Variants in CHN2 observed in about 807,000 individuals in gnomAD.
The protein encoded by CHN2 is beta-chimaerin.
A neutral mutation model predicts 56.3 loss-of-function variants in CHN2; 35 were observed. The ratio of observed to expected loss-of-function variants is 0.62; its 90% CI spans 0.47 to 0.82. The LOEUF is 0.82. Ranked by LOEUF, CHN2 falls within the 40% of genes least tolerant of loss-of-function variation. CHN2 has a pLI of 0.00. For synonymous variants in CHN2, 210 were observed against 212.8 expected, an observed-to-expected ratio of 0.99 and a Z score of 0.12; for missense variants, 491 against 580.5, an observed-to-expected ratio of 0.85 and a Z score of 1.58.
intron 2 of CHN2, among the ~76,000 whole-genome samples, chr7:29,158,195 C>T (rs927699083): frequency 5.9e-5 from 9 of 152,098 alleles, no homozygotes; most frequent in East Asian, 1.9e-4. Flanking sequence ...GCATGAGTTC[C>T]GGAATGAATG....
intron 2 of CHN2, among the ~76,000 whole-genome samples, chr7:29,154,778 T>G (rs1164740184): frequency 1.3e-5 from 2 of 152,202 alleles, no homozygotes; most frequent in Non-Finnish European, 2.9e-5. Context: ...GAGGTTGCAG[T>G]GAACCAAGAT....
chr7:29,332,480 GA>G (rs1468296758), intron 1 of CHN2, among the ~76,000 whole-genome samples: 1 of 152,106 alleles, frequency 6.6e-6, no homozygotes, highest in Non-Finnish European at 1.5e-5. Context: ...TATGAATTTT[GA>G]ATTTTGATCT....
At chr7:29,494,042 C>T (rs1299519841) in intron 7 of CHN2, among the ~76,000 whole-genome samples, 1 of 152,180 alleles carries the variant, frequency 6.6e-6, no homozygotes, top group Non-Finnish European at 1.5e-5. Context: ...CCACCCTGGC[C>T]ATCTAGTTCC....
intron 1 of CHN2, among the ~76,000 whole-genome samples, chr7:29,229,787 G>C (rs1226685375): frequency 6.6e-6 from 1 of 152,104 alleles, no homozygotes; most frequent in African/African-American, 2.4e-5. Context: ...AGACCAGCCT[G>C]GGCAACATGG....
At chr7:29,421,116 A>T (rs895885159) in intron 6 of CHN2, among the ~76,000 whole-genome samples, 5 of 152,136 alleles carry the variant, frequency 3.3e-5, no homozygotes, top group Non-Finnish European at 7.4e-5. Flanking sequence ...AACCACAACT[A>T]AATTTAGAAA....
chr7:29,429,155 C>T (rs1326794304), intron 6 of CHN2, among the ~76,000 whole-genome samples: 1 of 152,164 alleles, frequency 6.6e-6, no homozygotes, highest in Admixed American at 6.5e-5. Flanking sequence ...TCACAAGTAT[C>T]TTGTTTAGTG....
intron 1 of CHN2, among the ~76,000 whole-genome samples, chr7:29,262,339 C>A (rs1018196603): frequency 6.6e-6 from 1 of 152,212 alleles, no homozygotes; most frequent in South Asian, 2.1e-4. Flanking sequence ...GTTCTTAACA[C>A]ATGTCAAAGA....
intron 2 of CHN2, among the ~76,000 whole-genome samples, chr7:29,365,044 AGTATT>A (rs1246141856): frequency 6.6e-6 from 1 of 152,206 alleles, no homozygotes; most frequent in African/African-American, 2.4e-5. Context: ...GAATGTCAAG[AGTATT>A]GTTCCAGGTC....
At chr7:29,260,626 T>A (rs1310488696) in intron 1 of CHN2, among the ~76,000 whole-genome samples, 2 of 152,162 alleles carry the variant, frequency 1.3e-5, no homozygotes, top group South Asian at 4.1e-4. Context: ...GGATCCCTTA[T>A]AAGAAGCTTC....
At chr7:29,381,799 C>T (rs1800527392) in intron 3 of CHN2, among the ~76,000 whole-genome samples, 1 of 35,768 alleles carries the variant, frequency 2.8e-5, no homozygotes, top group South Asian at 1.1e-3. Flanking sequence ...TCTATTCTCA[C>T]TAAACTAAGC....
chr7:29,214,538 C>G (rs1399428858), intron 1 of CHN2, among the ~76,000 whole-genome samples: 4 of 152,126 alleles, frequency 2.6e-5, no homozygotes, highest in African/African-American at 9.7e-5. Flanking sequence ...ATTTATTATC[C>G]TCAGTCAATA....
rs60652952 is a variant in CHN2, at chr7:29,381,809, CAAAAAAAAAAAAA to C, written c.145-11855_145-11843del. Among the ~76,000 whole-genome samples the C allele has an allele frequency of 8.6e-4, 34 of 39,514 alleles. No individual in the cohort carries two copies. In the South Asian group the frequency reaches 0.021, roughly 25 times the overall value. The allele number at this position is 39,514 out of a possible 152,430, so 25.9% of individuals were successfully genotyped here. A position where few individuals can be genotyped will look rare whatever the true frequency, so the allele number is the denominator to read the frequency against. ...AAAAGTCTATTCTCACTAAACTAAG[CAAAAAAAAAAAAA>C]AAAAAAAAAAAAAAGCAGGGCCTAG... is the stretch of plus-strand genomic sequence containing the variant. On this transcript the variant is annotated intron_variant, in intron 3 of 12. Transcript: ENST00000222792.
chr7:29,217,420 C>A (rs1201241040), intron 1 of CHN2, among the ~76,000 whole-genome samples: 1 of 152,208 alleles, frequency 6.6e-6, no homozygotes. Flanking sequence ...GGAAAAGAGA[C>A]TGTAAAATCA....
At chr7:29,427,401 C>T (rs565720062) in intron 6 of CHN2, among the ~76,000 whole-genome samples, 1 of 152,184 alleles carries the variant, frequency 6.6e-6, no homozygotes, top group Admixed American at 6.5e-5. Context: ...TGCAGAATCC[C>T]TTTTACCGTA....
intron 1 of CHN2, among the ~76,000 whole-genome samples, chr7:29,294,987 C>T (rs940788515): frequency 7.2e-5 from 11 of 152,162 alleles, no homozygotes; most frequent in Non-Finnish European, 1.3e-4. Flanking sequence ...GATTGGTTCC[C>T]TGGACCCCCC....
chr7:29,232,283 TCTTTCAGTCTTC>T (rs1377842372), intron 1 of CHN2, among the ~76,000 whole-genome samples: 1 of 133,708 alleles, frequency 7.5e-6, no homozygotes, highest in Non-Finnish European at 1.7e-5. Flanking sequence ...TCTTACTCTT[TCTTTCAGTCTTC>T]CTTTCAAAGC....
In CHN2 at chr7:29,194,874, G is replaced by A. The variant is rs539456260; in HGVS notation, c.-68G>A. On this transcript the variant is annotated 5_prime_UTR_variant, in exon 1 of 13. Transcript: ENST00000222792. ...GGGGCCGCGGAGGCTGCGAGCGGCC[G>A]GGCGAGGGCAGCGGCGGCGGCGTCC... 4 of 1,341,108 alleles carry A rather than the reference G, an allele frequency of 3.0e-6. No individual in the cohort carries two copies. The highest frequency in any genetic ancestry group is 1.5e-5 in the African/African-American group (1 of 64,558). 83.1% of individuals were successfully genotyped at this position (1,341,108 alleles called of 1,614,324 possible).
intron 1 of CHN2, among the ~76,000 whole-genome samples, chr7:29,228,204 GGAGA>G (rs61159288): frequency 6.0e-4 from 90 of 150,218 alleles, no homozygotes; most frequent in Middle Eastern, 3.5e-3. Context: ...GTGTGTTTGT[GGAGA>G]GAGAGAGAGA....
Position 29,398,409 on chromosome 7 carries a change from G to A in CHN2, c.213G>A (p.Glu71=), listed in dbSNP as rs372832747. 2.0e-5 allele frequency: 32 copies of A among 1,613,498 alleles called. No individual in the cohort carries two copies. Among genetic ancestry groups the A allele is most frequent in the Non-Finnish European group, 2.7e-5 (32 of 1,180,014 alleles). ...HGIISREQAD[E]LLGGVEGAYI... ...TCATCTCTCGGGAGCAGGCGGATGA[G>A]CTTCTTGGAGGCGTGGAGGGTGCCT... Residue 71 remains glutamate (E), a synonymous_variant, in exon 5 of 13, where the codon GAG becomes GAA. Coordinates refer to ENST00000222792, the MANE Select transcript of CHN2 (RefSeq NM_004067.4).
Sources: allele counts gnomAD v4.1 joint callset (sites outside exome capture counted in the v4.1 genomes callset), GRCh38; gene constraint gnomAD v4.1.1; transcripts MANE v1.5; gene names NCBI Gene and HGNC (gene_info 2026-07-23, HGNC 2026-07-21).